The following NIN variants were observed in gnomAD, a reference collection of about 807,000 sequenced individuals.
The protein encoded by NIN is ninein, also known as glycogen synthase kinase 3 beta-interacting protein.
A neutral mutation model predicts 257.6 loss-of-function variants in NIN; 137 were observed. The ratio of observed to expected loss-of-function variants is 0.53; its 90% CI spans 0.46 to 0.61. The LOEUF is 0.61. Among genes scored for constraint, NIN ranks in the 20% least tolerant of loss-of-function variants. The pLI, the probability that NIN is intolerant of heterozygous loss-of-function variation, is 0.00. For synonymous variants in NIN, 918 were observed against 919.8 expected, an observed-to-expected ratio of 1.00 and a Z score of 0.04; for missense variants, 2,439 against 2,501.2, an observed-to-expected ratio of 0.98 and a Z score of 0.53.
Position 50,754,564 on chromosome 14 carries a change from T to C in NIN, c.4733A>G (p.Gln1578Arg). The change falls in exon 20 of 31, where the codon CAG becomes CGG. Residue 1578 changes from glutamine (Q) to arginine (R), a missense_variant and splice_region_variant. Around this residue, in one of 3 missense-constraint regions of NIN, gnomAD observed 2,043 missense variants for 2,050.2 expected, o/e 1.00. Coordinates refer to ENST00000530997, the MANE Select transcript of NIN (RefSeq NM_020921.4). ...VQKMVENLKKQISELKIKNQQ... is the reference protein window; with the variant it reads ...VQKMVENLKKRISELKIKNQQ... ...GAGAAATATTAAGTATTTCCTTACCTGTTTCTTTAAATTTTCAACCATCTT... is the reference window on the plus strand; with the variant it reads ...GAGAAATATTAAGTATTTCCTTACCCGTTTCTTTAAATTTTCAACCATCTT... 1 of 1,601,408 alleles carries C rather than the reference T, an allele frequency of 6.2e-7. No homozygotes were observed. The highest frequency in any genetic ancestry group is 8.5e-7 in the Non-Finnish European group (1 of 1,175,100).
intron 3 of NIN, among the ~76,000 whole-genome samples, chr14:50,809,077 TG>T (rs984388154): frequency 3.9e-5 from 6 of 152,054 alleles, no homozygotes; most frequent in African/African-American, 1.4e-4. Context: ...AAAAATTAGC[TG>T]GGCATGGTGG....
chr14:50,819,379 A>C (rs2142401266), intron 3 of NIN, among the ~76,000 whole-genome samples: 1 of 152,300 alleles, frequency 6.6e-6, no homozygotes, highest in South Asian at 2.1e-4. Context: ...AGATAAGTGA[A>C]CTGTGGGGGT....
chr14:50,743,321 C>A, intron 24 of NIN, 95 bp downstream of exon 24: 2 of 804,636 alleles, frequency 2.5e-6, no homozygotes, highest in East Asian at 2.6e-5. Context: ...CCCTCTTACG[C>A]TACTTCTACC....
At chr14:50,762,766 A>G (rs989643174) in intron 15 of NIN, among the ~76,000 whole-genome samples, 19 of 152,196 alleles carry the variant, frequency 1.2e-4, no homozygotes, top group African/African-American at 4.6e-4. Context: ...GCATGTGGGG[A>G]TACACAGGCA....
chr14:50,820,011 CTG>C (rs1318675457), intron 3 of NIN, among the ~76,000 whole-genome samples: 1 of 152,062 alleles, frequency 6.6e-6, no homozygotes, highest in Non-Finnish European at 1.5e-5. Flanking sequence ...ATGGCCAAGT[CTG>C]TGTGATCATC....
chr14:50,798,768 G>T (rs2043953928), intron 4 of NIN, among the ~76,000 whole-genome samples: 1 of 152,198 alleles, frequency 6.6e-6, no homozygotes, highest in African/African-American at 2.4e-5. Flanking sequence ...GATGCACACT[G>T]TCCATAGCTC....
rs58161755 is a variant in NIN at position 50,733,098 on chromosome 14, A to AT, written c.5877+2417dup. Reference sequence around the variant, plus strand: ...TTTGTGTAAATCTATAGCATTAATAATTTTTTTTTTTTGAGATGGAGTCTT... The same window carrying AT: ...TTTGTGTAAATCTATAGCATTAATAATTTTTTTTTTTTTGAGATGGAGTCTT... On this transcript the variant is annotated intron_variant, in intron 28 of 30. Coordinates refer to ENST00000530997, the MANE Select transcript of NIN (RefSeq NM_020921.4). Among the ~76,000 whole-genome samples the AT allele has an allele frequency of 3.9e-3, 576 of 147,402 alleles. 1 individual carries two copies. Among genetic ancestry groups the AT allele is most frequent in the Non-Finnish European group, 5.9e-3 (396 of 66,716 alleles).
chr14:50,726,229 CAT>C (rs955844394), intron 29 of NIN, 163 bp from the exon 30 acceptor site: 12 of 582,876 alleles, frequency 2.1e-5, no homozygotes, highest in Non-Finnish European at 3.0e-5. Context: ...GCATGGATTG[CAT>C]ATGTCAGAAA....
In NIN at chr14:50,730,234, T is replaced by C. The variant is rs549755030; in HGVS notation, c.5878-511A>G. On this transcript the variant is annotated intron_variant, in intron 28 of 30. Transcript: ENST00000530997. ...TTAACCTACCTTTAGTTTATCAATA[T>C]GTAATTATACCCTTAGATTAAACAG... Among the ~76,000 whole-genome samples the C allele has an allele frequency of 2.0e-5, 3 of 152,322 alleles. No individual in the cohort carries two copies. In the South Asian group the frequency reaches 6.2e-4, roughly 32 times the overall value.
intron 29 of NIN, among the ~76,000 whole-genome samples, chr14:50,728,938 T>A (rs908231573): frequency 2.6e-5 from 4 of 152,242 alleles, no homozygotes; most frequent in African/African-American, 9.6e-5. Flanking sequence ...AAGTCATCAC[T>A]TGTGATTTTC....
chr14:50,764,114 AAGT>A (rs1271816498), intron 14 of NIN, 150 bp from the exon 15 acceptor site: 10 of 648,430 alleles, frequency 1.5e-5, no homozygotes, highest in Non-Finnish European at 2.7e-5. Flanking sequence ...TTTGCAAATT[AAGT>A]ATCTGATAAG....
intron 22 of NIN, among the ~76,000 whole-genome samples, chr14:50,746,229 G>C (rs1345969573): frequency 1.3e-5 from 2 of 151,946 alleles, no homozygotes; most frequent in Non-Finnish European, 2.9e-5. Flanking sequence ...AAAAAGTCAA[G>C]GAAAAAAGGA....
intron 2 of NIN, chr14:50,823,432 A>G: frequency 2.9e-6 from 1 of 343,818 alleles, no homozygotes; most frequent in South Asian, 2.6e-5. Context: ...CATACGGCAG[A>G]TCATTACAAC....
At position 50,738,155 on chromosome 14, in the gene NIN, A is replaced by T. The variant is rs1259465747; in HGVS notation, c.5760T>A (p.Ser1920=). Residue 1920 remains serine, a synonymous_variant, in exon 27 of 31, where the codon TCT becomes TCA. Coordinates refer to ENST00000530997, the MANE Select transcript of NIN (RefSeq NM_020921.4). ...AAAAACTCACCTTCCTGTTAGCAGG[A>T]GATTGTTCTTTCTGAAACTGATCAC... ...RECDQFQKEQ[S]PANRKVSQMN... 1 of 1,614,120 alleles carries T rather than the reference A, an allele frequency of 6.2e-7. No individual in the cohort carries two copies.
rs1386556952 is a variant in NIN at position 50,778,823 on chromosome 14, G to C, written c.436-19C>G. 6.2e-7 allele frequency: 1 copy of C among 1,613,654 alleles called. No homozygotes were observed. The highest frequency in any genetic ancestry group is 1.1e-5 in the South Asian group (1 of 91,070). ...TCCAGTGCTAGAGAAGGCAAGAGAAGATTAGTGTGCTTTAGAACTTATTCA... is the reference window on the plus strand; with the variant it reads ...TCCAGTGCTAGAGAAGGCAAGAGAACATTAGTGTGCTTTAGAACTTATTCA... On this transcript the variant is annotated intron_variant, in intron 5 of 30. Transcript: ENST00000530997.
chr14:50,764,844 G>A (rs2042411708), intron 14 of NIN, among the ~76,000 whole-genome samples: 2 of 151,992 alleles, frequency 1.3e-5, no homozygotes, highest in South Asian at 4.2e-4. Context: ...TGGAGAAGGG[G>A]TTTCTTCCTG....
At chr14:50,829,228 C>A (rs1257999109) in intron 2 of NIN, among the ~76,000 whole-genome samples, 1 of 152,206 alleles carries the variant, frequency 6.6e-6, no homozygotes, top group African/African-American at 2.4e-5. Flanking sequence ...TTTCAGCCAG[C>A]CTGTAATGTT....
rs1316109899 is a variant in NIN, at chr14:50,771,813, C to G, written c.982-345G>C. Among the ~76,000 whole-genome samples the G allele has an allele frequency of 2.0e-5, 3 of 152,044 alleles. No homozygotes were observed. The East Asian group carries it at 5.8e-4, about 29-fold the overall frequency. On this transcript the variant is annotated intron_variant, in intron 9 of 30. Coordinates refer to ENST00000530997, the MANE Select transcript of NIN (RefSeq NM_020921.4). ...CCATCCTGGCCAACACGGTGAAACCCTGTCTCTACTAAAAATACAAAAATA... is the reference window on the plus strand; with the variant it reads ...CCATCCTGGCCAACACGGTGAAACCGTGTCTCTACTAAAAATACAAAAATA...
intron 8 of NIN, 76 bp downstream of exon 8, chr14:50,772,873 A>G: frequency 2.4e-6 from 3 of 1,250,454 alleles, no homozygotes; most frequent in Non-Finnish European, 3.4e-6. Flanking sequence ...TTCAGACAAC[A>G]GATTAATTTA....
Sources: allele counts gnomAD v4.1 joint callset (sites outside exome capture counted in the v4.1 genomes callset), GRCh38; gene constraint gnomAD v4.1.1; regional missense constraint gnomAD v4.1.1; transcripts MANE v1.5; gene names NCBI Gene and HGNC (gene_info 2026-07-23, HGNC 2026-07-21).